ANKRD52: variants seen among roughly 807,000 people sequenced by gnomAD.
ANKRD52 encodes the protein ankyrin repeat domain 52, also known as serine/threonine-protein phosphatase 6 regulatory ankyrin repeat subunit C.
Under a neutral mutation model 116.0 loss-of-function variants are expected in ANKRD52, and 7 were observed. That is an observed-to-expected ratio of 0.06 (90% confidence interval 0.03 to 0.11). The LOEUF (loss-of-function observed/expected upper bound fraction) is 0.11, where lower values mean the gene tolerates loss of function less well. Among genes scored for constraint, ANKRD52 ranks in the 10% least tolerant of loss-of-function variants. ANKRD52 has a pLI of 1.00. For synonymous variants in ANKRD52, 528 were observed against 578.1 expected (o/e 0.91, Z 1.24); for missense variants, 839 against 1,408.6 (o/e 0.60, Z 6.47).
chr12:56,247,829 G>C, intron 18 of ANKRD52, 55 bp from the exon 19 acceptor site: 1 of 1,555,576 alleles, frequency 6.4e-7, no homozygotes, highest in South Asian at 1.2e-5. Flanking sequence ...AGGGAGGCAA[G>C]GTCAAGCCTA....
intron 20 of ANKRD52, among the ~76,000 whole-genome samples, chr12:56,246,335 C>T (rs1183853443): frequency 6.6e-6 from 1 of 152,138 alleles, no homozygotes; most frequent in African/African-American, 2.4e-5. Flanking sequence ...CGGCCCTTTA[C>T]AACAACAATT....
At chr12:56,257,420 C>A (rs75537943) in intron 2 of ANKRD52, 59 bp from the exon 3 acceptor site, 30 of 1,431,706 alleles carry the variant, frequency 2.1e-5, no homozygotes, top group Non-Finnish European at 2.9e-5. Flanking sequence ...TATCAAGGAC[C>A]CCAGCCCAAG....
In ANKRD52 at chr12:56,238,392, C is replaced by G. The variant is rs1216562298; in HGVS notation, c.*4750G>C. 1.3e-5 allele frequency: 2 copies of G among 152,474 alleles called. No homozygotes were observed. The highest frequency in any genetic ancestry group is 2.9e-5 in the Non-Finnish European group (2 of 68,282). 9.4% of individuals were successfully genotyped at this position (152,474 alleles called of 1,614,324 possible). A position where few individuals can be genotyped will look rare whatever the true frequency, so the allele number is the denominator to read the frequency against. On this transcript the variant is annotated 3_prime_UTR_variant, in exon 28 of 28. Transcript: ENST00000267116. Reference sequence around the variant, plus strand: ...ATGGGGAAGGGGAGGTTCACACACACATAGATGCCCACAGCGGGTACCAGA... The same window carrying G: ...ATGGGGAAGGGGAGGTTCACACACAGATAGATGCCCACAGCGGGTACCAGA...
chr12:56,257,872 C>T lies in ANKRD52; in HGVS notation c.67G>A (p.Glu23Lys), dbSNP rs1217694039. 1 of 1,613,698 alleles carries T rather than the reference C, an allele frequency of 6.2e-7. No homozygotes were observed. The highest frequency in any genetic ancestry group is 1.3e-5 in the African/African-American group (1 of 74,852). Reference sequence around the variant, plus strand: ...TTCTGCGAGAGTAGGGAACGCACTTCCTCCACATCTCGGCTAAAGATGGCC... The same window carrying T: ...TTCTGCGAGAGTAGGGAACGCACTTTCTCCACATCTCGGCTAAAGATGGCC... ...VQAIFSRDVE[E>K]VRSLLSQKEN... The change falls in exon 2 of 28, where the codon GAA becomes AAA. Residue 23 changes from glutamate (E) to lysine (K), a missense_variant. Physicochemically the swap from Glu to Lys is moderately conservative, Grantham distance 56. This residue lies in a region of ANKRD52 where 287 missense variants were observed against 598.1 expected (regional missense o/e 0.48). Transcript: ENST00000267116.
chr12:56,247,995 A>C (rs761077893), intron 18 of ANKRD52, 28 bp downstream of exon 18: 4 of 1,563,650 alleles, frequency 2.6e-6, no homozygotes, highest in Non-Finnish European at 3.4e-6. Context: ...TGGCAAGGGT[A>C]GGGCAGCAGC....
chr12:56,253,380 G>A lies in ANKRD52; in HGVS notation c.1008C>T (p.Asp336=). 1 of 1,613,698 alleles carries A rather than the reference G, an allele frequency of 6.2e-7. No homozygotes were observed. ...IQNGSEIDCA[D]KFGNTPLHVA... ...CATGCAGTGGCGTGTTCCCAAATTT[G>A]TCGGCACAATCAATCTCGCTGCCTG... The change falls in exon 10 of 28, where the codon GAC becomes GAT. Residue 336 remains aspartate (D), a synonymous_variant. Transcript: ENST00000267116. This position sits in a 1 kb window ranked among gnomAD's most constrained non-coding sequence, Gnocchi z 5.5.
Position 56,244,145 on chromosome 12 carries a change from G to A in ANKRD52, c.2806-12C>T. ...CATTTCTCATGGCCCTGAGGGAGGGGAACAGAGAGTGGAGACTTGTGAAGT... is the reference window on the plus strand; with the variant it reads ...CATTTCTCATGGCCCTGAGGGAGGGAAACAGAGAGTGGAGACTTGTGAAGT... On this transcript the variant is annotated splice_polypyrimidine_tract_variant and intron_variant, in intron 25 of 27. Transcript: ENST00000267116. This position sits in a 1 kb window ranked among gnomAD's most constrained non-coding sequence, Gnocchi z 4.9. 1 of 1,613,682 alleles carries A rather than the reference G, an allele frequency of 6.2e-7. No individual in the cohort carries two copies. Among genetic ancestry groups the A allele is most frequent in the Middle Eastern group, 1.7e-4 (1 of 6,060 alleles).
At chr12:56,257,390 T>C (rs572768977) in intron 2 of ANKRD52, 29 bp from the exon 3 acceptor site, 32 of 1,553,488 alleles carry the variant, frequency 2.1e-5, no homozygotes, top group Admixed American at 7.7e-5. Context: ...GCAGGGAGTA[T>C]GGGCGCGGGG....
At chr12:56,250,369 T>G (rs1001400768) in intron 15 of ANKRD52, among the ~76,000 whole-genome samples, 4 of 138,510 alleles carry the variant, frequency 2.9e-5, no homozygotes, top group South Asian at 2.3e-4. Context: ...TTTTTGTGGG[T>G]TTTTTTTTTT....
chr12:56,245,070 G>T (rs897316858), intron 22 of ANKRD52, 33 bp downstream of exon 22: 9 of 1,612,818 alleles, frequency 5.6e-6, no homozygotes, highest in South Asian at 3.3e-5. Flanking sequence ...ATGGGCCCTC[G>T]CGAGAAGGGC....
In ANKRD52 at chr12:56,248,626, C is replaced by G; in HGVS notation, c.1705-60G>C. 10 of 1,515,192 alleles carry G rather than the reference C, an allele frequency of 6.6e-6. No individual in the cohort carries two copies. Among genetic ancestry groups the G allele is most frequent in the Non-Finnish European group, 9.0e-6 (10 of 1,111,520 alleles). 93.9% of individuals were successfully genotyped at this position (1,515,192 alleles called of 1,614,324 possible). A position where few individuals can be genotyped will look rare whatever the true frequency, so the allele number is the denominator to read the frequency against. On this transcript the variant is annotated intron_variant, in intron 16 of 27. Coordinates refer to ENST00000267116, the MANE Select transcript of ANKRD52 (RefSeq NM_173595.4). This position sits in a 1 kb window ranked among gnomAD's most constrained non-coding sequence, Gnocchi z 5.1. The stretch of plus-strand genomic sequence containing the variant: ...GGAACTCCCAAGATAGTACCCCAGT[C>G]CCCGACTCGCAGTAATCCCCACTAA...
chr12:56,257,460 C>G, intron 2 of ANKRD52, 99 bp from the exon 3 acceptor site: 1 of 1,079,502 alleles, frequency 9.3e-7, no homozygotes, highest in South Asian at 1.4e-5. Flanking sequence ...TCCCCACAAC[C>G]TCTTCCCATA....
chr12:56,247,916 C>T, intron 18 of ANKRD52, 107 bp downstream of exon 18: 4 of 1,365,696 alleles, frequency 2.9e-6, no homozygotes, highest in Non-Finnish European at 4.0e-6. Context: ...TGAATCAGGG[C>T]TTGAAGTCTC....
intron 20 of ANKRD52, among the ~76,000 whole-genome samples, chr12:56,246,901 CAG>C (rs1238474973): frequency 2.7e-5 from 4 of 146,706 alleles, no homozygotes; most frequent in African/African-American, 1.0e-4. Context: ...GCCTGGGTGA[CAG>C]AGCGAGACTC....
In ANKRD52 at chr12:56,244,617, G is replaced by A. The variant is rs1181559103; in HGVS notation, c.2722+35C>T. 4.3e-6 allele frequency: 7 copies of A among 1,611,822 alleles called. No homozygotes were observed. The highest frequency in any genetic ancestry group is 4.2e-6 in the Non-Finnish European group (5 of 1,179,250). On this transcript the variant is annotated intron_variant, in intron 24 of 27. Transcript: ENST00000267116. This position sits in a 1 kb window ranked among gnomAD's most constrained non-coding sequence, Gnocchi z 4.9. ...TGACCCATCCTGCAAATGCCCCAGG[G>A]GAGCTCCTCCCTTCCACAAGTGGCC... is the stretch of plus-strand genomic sequence containing the variant.
chr12:56,252,809 A>T lies in ANKRD52; in HGVS notation c.1272T>A (p.Arg424=). Reference sequence around the variant, plus strand: ...CGGAAGCAGCAGCATGAAGACAGGTACGGCCAAGGTTGTCAGGTGTATTGA... The same window carrying T: ...CGGAAGCAGCAGCATGAAGACAGGTTCGGCCAAGGTTGTCAGGTGTATTGA... ...FDINTPDNLG[R]TCLHAAASGG... is the part of the protein sequence containing the mutation. Residue 424 remains arginine, a synonymous_variant, in exon 12 of 28, where the codon CGT becomes CGA. Coordinates refer to ENST00000267116, the MANE Select transcript of ANKRD52 (RefSeq NM_173595.4). The surrounding 1 kb of genome is among the most constrained non-coding windows in gnomAD (Gnocchi z 4.7). 6.2e-7 allele frequency: 1 copy of T among 1,613,838 alleles called. No individual in the cohort carries two copies. Among genetic ancestry groups the T allele is most frequent in the Non-Finnish European group, 8.5e-7 (1 of 1,179,890 alleles).
chr12:56,249,579 TA>T (rs879680482), intron 15 of ANKRD52, among the ~76,000 whole-genome samples: 33 of 151,870 alleles, frequency 2.2e-4, no homozygotes, highest in Non-Finnish European at 3.4e-4. Context: ...AAATAAATCT[TA>T]AAAAAAAATT....
At position 56,248,235 on chromosome 12, in the gene ANKRD52, G is replaced by T; in HGVS notation, c.1777-11C>A. The T allele has an allele frequency of 6.2e-7, 1 of 1,613,182 alleles. No homozygotes were observed. The highest frequency in any genetic ancestry group is 1.1e-5 in the South Asian group (1 of 91,080). On this transcript the variant is annotated splice_polypyrimidine_tract_variant and intron_variant, in intron 17 of 27. Coordinates refer to ENST00000267116, the MANE Select transcript of ANKRD52 (RefSeq NM_173595.4). This position sits in a 1 kb window ranked among gnomAD's most constrained non-coding sequence, Gnocchi z 5.1. ...GTGACCGTTGTAGGCCTGGCAAGGT[G>T]CAGGCAACCAGTGCACACAGCTCGG...
In ANKRD52 at chr12:56,248,293, C is replaced by T. The variant is rs1461669643; in HGVS notation, c.1777-69G>A. On this transcript the variant is annotated intron_variant, in intron 17 of 27. Coordinates refer to ENST00000267116, the MANE Select transcript of ANKRD52 (RefSeq NM_173595.4). The surrounding 1 kb of genome is among the most constrained non-coding windows in gnomAD (Gnocchi z 5.1). The stretch of plus-strand genomic sequence containing the variant: ...CCTGCTCCTCCCTTCCCCTTCTCTG[C>T]TCTTGGGGTCCCTGGGAAGCTCAAG... 6.4e-7 allele frequency: 1 copy of T among 1,567,244 alleles called. No homozygotes were observed. The highest frequency in any genetic ancestry group is 8.7e-7 in the Non-Finnish European group (1 of 1,143,962).
Sources: gnomAD v4.1 joint callset for allele counts (sites outside exome capture counted in the v4.1 genomes callset) on GRCh38, gnomAD v4.1.1 for gene constraint, gnomAD v4.1.1 regional missense constraint, Gnocchi (gnomAD v3.1) non-coding constraint, MANE v1.5 for transcripts, NCBI Gene and HGNC (gene_info 2026-07-23, HGNC 2026-07-21) for gene names.